The following GALNT3 variants were observed in gnomAD, a reference collection of about 807,000 sequenced individuals.
GALNT3 encodes polypeptide N-acetylgalactosaminyltransferase 3, also known as GalNAc transferase 3.
A neutral mutation model predicts 69.8 loss-of-function variants in GALNT3; 51 were observed. The ratio of observed to expected loss-of-function variants is 0.73; its 90% CI spans 0.58 to 0.92. The LOEUF (loss-of-function observed/expected upper bound fraction) is 0.92, where lower values mean the gene tolerates loss of function less well. GALNT3 is among the 40% of genes least tolerant of loss of function. The probability of loss-of-function intolerance (pLI) is 0.00; values close to 1 mark genes in which losing one functional copy is unlikely to be tolerated. For synonymous variants in GALNT3, 265 were observed against 248.5 expected (o/e 1.07, Z -0.63); for missense variants, 711 against 760.0 (o/e 0.94, Z 0.76).
chr2:165,767,416 T>C (rs1688662954), intron 2 of GALNT3, among the ~76,000 whole-genome samples: 1 of 152,184 alleles, frequency 6.6e-6, no homozygotes, highest in Non-Finnish European at 1.5e-5. Flanking sequence ...TTTGAAGATT[T>C]AAAGTATAAA....
At chr2:165,749,013 T>A in intron 10 of GALNT3, 110 bp from the exon 11 acceptor site, 1 of 1,151,046 alleles carries the variant, frequency 8.7e-7, no homozygotes, top group Non-Finnish European at 1.3e-6. Flanking sequence ...CAAATCTTTC[T>A]AAGGTGAGCC....
chr2:165,752,474 C>T (rs1688372485), intron 9 of GALNT3, among the ~76,000 whole-genome samples: 1 of 152,146 alleles, frequency 6.6e-6, no homozygotes, highest in South Asian at 2.1e-4. Context: ...TCAGTACAAG[C>T]TACTTTATAG....
In GALNT3 at chr2:165,749,768, C is replaced by A; in HGVS notation, c.1753G>T (p.Gly585Ter). 1.2e-6 allele frequency: 2 copies of A among 1,613,556 alleles called. No homozygotes were observed. The highest frequency in any genetic ancestry group is 4.5e-5 in the East Asian group (2 of 44,858). Residue 585 changes from glycine to a stop codon, truncating the protein, a stop_gained, in exon 10 of 11, where the codon GGA (glycine) becomes TGA (stop). Transcript: ENST00000392701. LOFTEE classifies it high-confidence loss of function. ...TYKGHKTVVTGEQIWEIQKDQ... is the reference protein window; with the variant it reads ...TYKGHKTVVT ...TTCTGGATCTCCCATATCTGCTCTC[C>A]AGTGACAACTGTCTTGTGACCTTTG...
intron 1 of GALNT3, among the ~76,000 whole-genome samples, chr2:165,772,610 G>T (rs1389696788): frequency 2.2e-5 from 2 of 91,870 alleles, no homozygotes; most frequent in South Asian, 4.2e-4. Flanking sequence ...AAAAAAAAAA[G>T]GGAAAACAAT....
At chr2:165,758,060 C>A in intron 6 of GALNT3, among the ~76,000 whole-genome samples, 1 of 152,100 alleles carries the variant, frequency 6.6e-6, no homozygotes. Context: ...TGTGACCCAA[C>A]ACGTGCTAGG....
In GALNT3 at chr2:165,759,629, T is replaced by C. The variant is rs1038962168; in HGVS notation, c.839-59A>G. ...AAACATTGAAGTTTTTTTCTTTAGTTATTTAGGTGAAGGTTTACAGAGAAA... is the reference window on the plus strand; with the variant it reads ...AAACATTGAAGTTTTTTTCTTTAGTCATTTAGGTGAAGGTTTACAGAGAAA... On this transcript the variant is annotated intron_variant, in intron 4 of 10. Coordinates refer to ENST00000392701, the MANE Select transcript of GALNT3 (RefSeq NM_004482.4). 34 of 1,255,164 alleles carry C rather than the reference T, an allele frequency of 2.7e-5. 1 individual carries two copies. Among genetic ancestry groups the C allele is most frequent in the Non-Finnish European group, 3.9e-5 (34 of 872,094 alleles). The allele number at this position is 1,255,164 out of a possible 1,614,324, so 77.8% of individuals were successfully genotyped here. A position where few individuals can be genotyped will look rare whatever the true frequency, so the allele number is the denominator to read the frequency against.
chr2:165,766,721 C>A (rs1022327518), intron 2 of GALNT3, among the ~76,000 whole-genome samples: 21 of 63,994 alleles, frequency 3.3e-4, no homozygotes, highest in African/African-American at 6.7e-4. Flanking sequence ...GAAACTGTAG[C>A]CTCCAGTGTG....
At chr2:165,766,490 T>C (rs1688644952) in intron 2 of GALNT3, among the ~76,000 whole-genome samples, 1 of 152,150 alleles carries the variant, frequency 6.6e-6, no homozygotes. Context: ...AGGCTAGAGA[T>C]GTAGAGATAA....
chr2:165,785,249 T>C (rs1683196173), intron 1 of GALNT3, among the ~76,000 whole-genome samples: 1 of 152,076 alleles, frequency 6.6e-6, no homozygotes. Context: ...TGATTAAATA[T>C]TATGCAAAGT....
At chr2:165,788,617 G>T (rs1057030588) in intron 1 of GALNT3, among the ~76,000 whole-genome samples, 1 of 151,764 alleles carries the variant, frequency 6.6e-6, no homozygotes, top group East Asian at 1.9e-4. Context: ...TGGGTGAGGG[G>T]ACACAGTTTC....
At chr2:165,791,112 G>T (rs1480266666) in intron 1 of GALNT3, among the ~76,000 whole-genome samples, 1 of 152,060 alleles carries the variant, frequency 6.6e-6, no homozygotes, top group Admixed American at 6.6e-5. Flanking sequence ...AATGAACAAG[G>T]TTTCATGTAG....
intron 7 of GALNT3, among the ~76,000 whole-genome samples, chr2:165,755,302 A>G (rs891873309): frequency 3.3e-5 from 5 of 152,190 alleles, no homozygotes; most frequent in African/African-American, 1.2e-4. Context: ...AAATGATGCT[A>G]TTTTATTCTT....
rs1306046798 is a variant in GALNT3 at position 165,770,105 on chromosome 2, CAG to C, written c.515+79_515+80del. Reference sequence around the variant, plus strand: ...TTTCTGCCTTAGAGTAGCTAAAAAACAGATAACTTCCTTAGCTCACCCCTCTC... The same window carrying C: ...TTTCTGCCTTAGAGTAGCTAAAAAACATAACTTCCTTAGCTCACCCCTCTC... On this transcript the variant is annotated intron_variant, in intron 2 of 10. Transcript: ENST00000392701. 2.0e-6 allele frequency: 3 copies of C among 1,524,014 alleles called. No individual in the cohort carries two copies. The South Asian group carries it at 3.4e-5, about 17-fold the overall frequency. The allele number at this position is 1,524,014 out of a possible 1,614,324, so 94.4% of individuals were successfully genotyped here.
At chr2:165,780,175 G>A (rs764434713) in intron 1 of GALNT3, among the ~76,000 whole-genome samples, 6 of 152,078 alleles carry the variant, frequency 3.9e-5, no homozygotes, top group Non-Finnish European at 7.4e-5. Context: ...CTGTTTATGG[G>A]CCCACTGAGA....
chr2:165,757,206 A>G lies in GALNT3; in HGVS notation c.1233T>C (p.Ser411=). Residue 411 remains serine, a synonymous_variant, in exon 7 of 11, where the codon TCT becomes TCC. Transcript: ENST00000392701. ...CGGQLEIMPC[S]VVGHVFRSKS... ...TGCTGCGAAAAACATGTCCAACAAC[A>G]GAGCAAGGCATAATCTCCAACTGCC... 1 of 1,614,112 alleles carries G rather than the reference A, an allele frequency of 6.2e-7. No individual in the cohort carries two copies.
chr2:165,754,386 G>A (rs1204507540), intron 9 of GALNT3, among the ~76,000 whole-genome samples: 6 of 124,554 alleles, frequency 4.8e-5, no homozygotes, highest in African/African-American at 1.2e-4. Context: ...CACTCAGCTC[G>A]GCCTCCTTTT....
At chr2:165,775,028 T>C (rs1331366824) in intron 1 of GALNT3, among the ~76,000 whole-genome samples, 1 of 151,332 alleles carries the variant, frequency 6.6e-6, no homozygotes, top group Non-Finnish European at 1.5e-5. Flanking sequence ...GTGCTGGGAT[T>C]ACAGCCATGA....
chr2:165,770,759 T>C lies in GALNT3; in HGVS notation c.-59A>G. Reference sequence around the variant, plus strand: ...CAGTTATTTCTTCTTCTGTTACTTATATTTTTTATCATAGATTTGCTGAGA... The same window carrying C: ...CAGTTATTTCTTCTTCTGTTACTTACATTTTTTATCATAGATTTGCTGAGA... On this transcript the variant is annotated 5_prime_UTR_variant, in exon 2 of 11. It adds an upstream start codon to the 5' untranslated region. Transcript: ENST00000392701. The C allele has an allele frequency of 6.4e-7, 1 of 1,563,604 alleles. No homozygotes were observed. Among genetic ancestry groups the C allele is most frequent in the Non-Finnish European group, 8.6e-7 (1 of 1,156,106 alleles).
chr2:165,758,577 TAA>T (rs1688487644), intron 6 of GALNT3, 168 bp downstream of exon 6: 4 of 546,480 alleles, frequency 7.3e-6, no homozygotes, highest in Non-Finnish European at 1.3e-5. Context: ...ATAAATATAT[TAA>T]GTTACATATT....
Sources: allele counts gnomAD v4.1 joint callset (sites outside exome capture counted in the v4.1 genomes callset), GRCh38; gene constraint gnomAD v4.1.1; transcripts MANE v1.5; gene names NCBI Gene and HGNC (gene_info 2026-07-23, HGNC 2026-07-21).